Variants in ZRANB1 observed in about 807,000 individuals in gnomAD.
ZRANB1 encodes zinc finger RANBP2-type containing 1.
Under a neutral mutation model 80.5 loss-of-function variants are expected in ZRANB1, and 16 were observed. The ratio of observed to expected loss-of-function variants is 0.20; its 90% CI spans 0.13 to 0.30. The LOEUF (loss-of-function observed/expected upper bound fraction) is 0.30. ZRANB1 is among the 10% of genes least tolerant of loss of function. The probability of loss-of-function intolerance (pLI) is 1.00; values close to 1 mark genes in which losing one functional copy is unlikely to be tolerated. For synonymous variants in ZRANB1, 291 were observed against 293.1 expected, an observed-to-expected ratio of 0.99 and a Z score of 0.07; for missense variants, 576 against 862.6, an observed-to-expected ratio of 0.67 and a Z score of 4.16.
chr10:124,970,843 T>G, intron 2 of ZRANB1, among the ~76,000 whole-genome samples: 1 of 143,392 alleles, frequency 7.0e-6, no homozygotes, highest in East Asian at 2.1e-4. Context: ...GTTTTTTTTT[T>G]TTTTTTTTTT....
rs779571918 is a variant in ZRANB1 at position 124,943,049 on chromosome 10, G to A, written c.556G>A (p.Ala186Thr). The change falls in exon 1 of 9, where the codon GCA becomes ACA. Residue 186 changes from alanine (A) to threonine (T), a missense_variant. Physicochemically the swap from Ala to Thr is moderately conservative, Grantham distance 58. This residue lies in a region of ZRANB1 where 411 missense variants were observed against 583.1 expected (regional missense o/e 0.70). Coordinates refer to ENST00000359653, the MANE Select transcript of ZRANB1 (RefSeq NM_017580.3). ...TAATAACATTGAAGCAATAGAATTGGCAGAGACTGAAGAGGCTTCTTCAAT... is the reference window on the plus strand; with the variant it reads ...TAATAACATTGAAGCAATAGAATTGACAGAGACTGAAGAGGCTTCTTCAAT... ...RPNNIEAIELAETEEASSIIN... is the reference protein window; with the variant it reads ...RPNNIEAIELTETEEASSIIN... 1.2e-6 allele frequency: 2 copies of A among 1,614,206 alleles called. No individual in the cohort carries two copies. Among genetic ancestry groups the A allele is most frequent in the East Asian group, 4.5e-5 (2 of 44,886 alleles).
chr10:124,978,617 T>C (rs1350817773), intron 5 of ZRANB1, among the ~76,000 whole-genome samples: 1 of 152,064 alleles, frequency 6.6e-6, no homozygotes, highest in Admixed American at 6.6e-5. Context: ...TATAAGTCTT[T>C]TAGAATTATT....
chr10:124,950,168 G>A (rs1220000299), intron 1 of ZRANB1, among the ~76,000 whole-genome samples: 23 of 152,114 alleles, frequency 1.5e-4, no homozygotes, highest in Admixed American at 1.5e-3. Context: ...TGTCTCCCAG[G>A]CTAGAGTGCA....
chr10:124,966,299 G>C (rs1951775129), intron 1 of ZRANB1, among the ~76,000 whole-genome samples: 2 of 151,942 alleles, frequency 1.3e-5, no homozygotes, highest in Admixed American at 1.3e-4. Context: ...TCTCATACTA[G>C]ATTATTGATC....
At chr10:124,941,115 T>A (rs980316525), upstream of ZRANB1, among the ~76,000 whole-genome samples, 7 of 152,086 alleles carry the variant, frequency 4.6e-5, no homozygotes, top group African/African-American at 9.7e-5. Context: ...TCTTTCTCTT[T>A]CCGGGTGAAA....
At chr10:124,938,718 T>C (rs1259630663), upstream of ZRANB1, among the ~76,000 whole-genome samples, 2 of 151,954 alleles carry the variant, frequency 1.3e-5, no homozygotes, top group African/African-American at 2.4e-5. Context: ...TTTTTTTTTT[T>C]TTTCCTTGAG....
In ZRANB1 at chr10:124,952,830, G is replaced by A. The variant is rs186841095; in HGVS notation, c.814+9523G>A. 7.6e-3 allele frequency among the ~76,000 whole-genome samples: 1,148 copies of A among 152,028 alleles called. 14 individuals are homozygous for A. The highest frequency in any genetic ancestry group is 0.027 in the African/African-American group (1,110 of 41,478). ...TCACCATGTTGGCCAGGCTAGTCTC[G>A]AACTCCTAACCTCAGGTGATCTGTC... On this transcript the variant is annotated intron_variant, in intron 1 of 8. Transcript: ENST00000359653.
chr10:124,930,099 G>T, the ZRANB1 span, among the ~76,000 whole-genome samples: 1 of 152,156 alleles, frequency 6.6e-6, no homozygotes, highest in African/African-American at 2.4e-5. Flanking sequence ...GGGTTTTGAA[G>T]TGATCAGTTT....
chr10:124,948,577 G>A (rs1219538898), intron 1 of ZRANB1, among the ~76,000 whole-genome samples: 3 of 149,530 alleles, frequency 2.0e-5, no homozygotes, highest in African/African-American at 7.4e-5. Context: ...TGCCTGGATT[G>A]CTCTCCACCT....
At position 124,986,291 on chromosome 10, in the gene ZRANB1, GCACACACACACACACA is replaced by G. The variant is rs58255988; in HGVS notation, c.*1316_*1331del. 2.6e-5 allele frequency: 3 copies of G among 116,020 alleles called. No individual in the cohort carries two copies. The East Asian group carries it at 6.3e-4, about 24-fold the overall frequency. The allele number at this position is 116,020 out of a possible 1,614,324, so 7.2% of individuals were successfully genotyped here. On this transcript the variant is annotated 3_prime_UTR_variant, in exon 9 of 9. Transcript: ENST00000359653. ...AGACGACACACGCACGCGCGCGCGC[GCACACACACACACACA>G]CACACACACACACACAGTTTTTTCC...
the ZRANB1 span, among the ~76,000 whole-genome samples, chr10:124,933,100 A>C: frequency 6.6e-6 from 1 of 150,708 alleles, no homozygotes; most frequent in Non-Finnish European, 1.5e-5. Context: ...TTAAATAATC[A>C]GTGAAGTCCA....
intron 1 of ZRANB1, among the ~76,000 whole-genome samples, chr10:124,961,018 T>C (rs954954256): frequency 6.6e-6 from 1 of 151,880 alleles, no homozygotes; most frequent in East Asian, 1.9e-4. Context: ...TTTTTTTTTT[T>C]AGACAGAGTT....
intron 1 of ZRANB1, among the ~76,000 whole-genome samples, chr10:124,964,105 T>G (rs73373144): frequency 0.03 from 4,583 of 152,328 alleles, 223 homozygotes; most frequent in African/African-American, 0.1. Flanking sequence ...AATTAAGTGT[T>G]TTTGATAATT....
chr10:124,970,833 GTTTTTTT>G (rs34391929), intron 2 of ZRANB1, among the ~76,000 whole-genome samples: 14 of 85,382 alleles, frequency 1.6e-4, no homozygotes, highest in African/African-American at 6.1e-4. Context: ...TCTCTTTGGG[GTTTTTTT>G]TTTTTTTTTT....
the ZRANB1 span, among the ~76,000 whole-genome samples, chr10:124,927,166 A>C: frequency 6.6e-6 from 1 of 151,946 alleles, no homozygotes. Flanking sequence ...CGTGTTAGCC[A>C]GAATGGTCTC....
chr10:124,983,281 C>G lies in ZRANB1; in HGVS notation c.1655C>G (p.Thr552Ser), dbSNP rs375081139. Residue 552 changes from threonine (T) to serine (S), a missense_variant, in exon 7 of 9, where the codon ACT becomes AGT. Around this residue, in one of 3 missense-constraint regions of ZRANB1, gnomAD observed 152 missense variants for 221.9 expected, o/e 0.69. Transcript: ENST00000359653. This position sits in a 1 kb window ranked among gnomAD's most constrained non-coding sequence, Gnocchi z 6.2. ...VKYYKSFRGE[T>S]LGYTRFQGVY... ...TATTACAAGAGTTTCCGGGGAGAAA[C>G]TTTAGGATATACTCGGTTTCAAGGT... 1.4e-5 allele frequency: 22 copies of G among 1,613,764 alleles called. No individual in the cohort carries two copies. The highest frequency in any genetic ancestry group is 1.9e-5 in the Non-Finnish European group (22 of 1,179,980).
rs184049157 is a variant in ZRANB1 at position 124,963,592 on chromosome 10, A to T, written c.815-3002A>T. Among the ~76,000 whole-genome samples the T allele has an allele frequency of 5.2e-3, 307 of 59,282 alleles. 5 individuals are homozygous for T. The highest frequency in any genetic ancestry group is 0.019 in the African/African-American group (295 of 15,896). The allele number at this position is 59,282 out of a possible 152,430, so 38.9% of individuals were successfully genotyped here. A position where few individuals can be genotyped will look rare whatever the true frequency, so the allele number is the denominator to read the frequency against. ...TTTTTTTTTTTGGGCATGTATTATG[A>T]TGCTTTTTCCCTGCACTTCACTTTA... On this transcript the variant is annotated intron_variant, in intron 1 of 8. Coordinates refer to ENST00000359653, the MANE Select transcript of ZRANB1 (RefSeq NM_017580.3).
At chr10:124,926,357 T>A in the ZRANB1 span, among the ~76,000 whole-genome samples, 5 of 152,256 alleles carry the variant, frequency 3.3e-5, no homozygotes, top group African/African-American at 7.2e-5. Flanking sequence ...GTAGTAACAC[T>A]TAAAACACAA....
chr10:124,949,449 G>GTA (rs57300951), intron 1 of ZRANB1, among the ~76,000 whole-genome samples: 88,092 of 146,942 alleles, frequency 0.6, 28,758 homozygotes, highest in East Asian at 0.73. Context: ...ACACACATAT[G>GTA]TATATATATA....
Sources: allele counts gnomAD v4.1 joint callset (sites outside exome capture counted in the v4.1 genomes callset), GRCh38; gene constraint gnomAD v4.1.1; regional missense constraint gnomAD v4.1.1; non-coding constraint Gnocchi (gnomAD v3.1); transcripts MANE v1.5; gene names NCBI Gene and HGNC (gene_info 2026-07-23, HGNC 2026-07-21).